ZNF99: variants seen among roughly 807,000 people sequenced by gnomAD.
The protein encoded by ZNF99 is zinc finger protein 99.
In ZNF99, 8 loss-of-function variants were observed where a neutral mutation model predicts 12.8. That is an observed-to-expected ratio of 0.62 (90% CI 0.37 to 1.13). The LOEUF (loss-of-function observed/expected upper bound fraction) is 1.13. Ranked by LOEUF, ZNF99 falls within the 50% of genes most tolerant of loss-of-function variation. The pLI is 0.02. For synonymous variants in ZNF99, 318 were observed against 319.0 expected (o/e 1.00, Z 0.03); for missense variants, 1,007 against 1,006.2 (o/e 1.00, Z -0.01).
At chr19:22,759,774 T>A in intron 3 of ZNF99, 92 bp from the exon 4 acceptor site, 1 of 954,456 alleles carries the variant, frequency 1.0e-6, no homozygotes, top group Non-Finnish European at 1.5e-6. Context: ...ACAAACCGCT[T>A]AAGCAAGATG....
At chr19:22,774,514 G>A (rs11669364) in intron 1 of ZNF99, 22,588 of 152,160 alleles carry the variant, frequency 0.15, 1,731 homozygotes, top group East Asian at 0.18. Flanking sequence ...GTTTTTGGGT[G>A]GCCACATCAT....
chr19:22,774,540 C>T (rs1973304983), intron 1 of ZNF99: 1 of 152,190 alleles, frequency 6.6e-6, no homozygotes, highest in African/African-American at 2.4e-5. Flanking sequence ...TTTATTTGTC[C>T]TGTAATAGCA....
At chr19:22,777,081 A>C (rs1205937947) in intron 1 of ZNF99, among the ~76,000 whole-genome samples, 3 of 152,168 alleles carry the variant, frequency 2.0e-5, no homozygotes, top group African/African-American at 7.2e-5. Context: ...GAGCCCGGGA[A>C]TTTGAGGCTG....
intron 1 of ZNF99, among the ~76,000 whole-genome samples, chr19:22,780,419 G>A (rs1599450919): frequency 6.6e-6 from 1 of 152,186 alleles, no homozygotes; most frequent in South Asian, 2.1e-4. Flanking sequence ...TAGGCCAGGC[G>A]TGGTGGCTCA....
At position 22,755,295 on chromosome 19, in the gene ZNF99, G is replaced by A; in HGVS notation, c.*2019C>T. On this transcript the variant is annotated 3_prime_UTR_variant, in exon 4 of 4. Coordinates refer to ENST00000596209, the MANE Select transcript of ZNF99 (RefSeq NM_001080409.3). The stretch of plus-strand genomic sequence containing the variant: ...CACATTCTTCACATTTCTAGAGTTT[G>A]TCTTCAGTATCAACTATTTTCTGTT... 4.0e-6 allele frequency: 1 copy of A among 252,840 alleles called. No homozygotes were observed. The highest frequency in any genetic ancestry group is 8.2e-6 in the Non-Finnish European group (1 of 122,002). The allele number at this position is 252,840 out of a possible 1,614,324, so 15.7% of individuals were successfully genotyped here. A position where few individuals can be genotyped will look rare whatever the true frequency, so the allele number is the denominator to read the frequency against.
chr19:22,783,606 T>C (rs543446890), intron 1 of ZNF99, among the ~76,000 whole-genome samples: 5 of 152,336 alleles, frequency 3.3e-5, no homozygotes, highest in African/African-American at 1.2e-4. Flanking sequence ...ACTTTAGTGA[T>C]GACTGCCATC....
At chr19:22,772,754 G>A (rs1206812763) in intron 1 of ZNF99, among the ~76,000 whole-genome samples, 1 of 151,764 alleles carries the variant, frequency 6.6e-6, no homozygotes, top group Non-Finnish European at 1.5e-5. Context: ...CAACTAAAAG[G>A]ACTTGCATCT....
Position 22,756,827 on chromosome 19 carries a change from A to G in ZNF99, c.*487T>C, listed in dbSNP as rs1239447953. On this transcript the variant is annotated 3_prime_UTR_variant, in exon 4 of 4. Coordinates refer to ENST00000596209, the MANE Select transcript of ZNF99 (RefSeq NM_001080409.3). The stretch of plus-strand genomic sequence containing the variant: ...CCAGTATAATTATCTCATGTTTTCT[A>G]AGGGCTGAGAAATGCTTAAAAGCTT... The G allele has an allele frequency of 6.2e-7, 1 of 1,610,532 alleles. No homozygotes were observed. Among genetic ancestry groups the G allele is most frequent in the South Asian group, 1.1e-5 (1 of 90,966 alleles).
intron 3 of ZNF99, among the ~76,000 whole-genome samples, chr19:22,763,208 GATGAT>G (rs1278750073): frequency 6.6e-6 from 1 of 152,134 alleles, no homozygotes; most frequent in East Asian, 1.9e-4. Flanking sequence ...ACTGTTTGCG[GATGAT>G]ATGATTGTTT....
intron 1 of ZNF99, among the ~76,000 whole-genome samples, chr19:22,772,669 T>C (rs866736418): frequency 1.3e-5 from 2 of 150,150 alleles, no homozygotes; most frequent in Middle Eastern, 3.2e-3. Context: ...AAGAACGAAA[T>C]TCTGTCTCAA....
At chr19:22,773,036 C>T (rs575522051) in intron 1 of ZNF99, among the ~76,000 whole-genome samples, 9 of 152,244 alleles carry the variant, frequency 5.9e-5, no homozygotes, top group South Asian at 2.1e-4. Flanking sequence ...AAAGGTAAAA[C>T]GGCTGTTTGC....
rs770107271 is a variant in ZNF99, at chr19:22,754,501, T to C, written c.*2813A>G. 10 of 424,442 alleles carry C rather than the reference T, an allele frequency of 2.4e-5. No individual in the cohort carries two copies. The highest frequency in any genetic ancestry group is 4.6e-5 in the Non-Finnish European group (10 of 215,504). The allele number at this position is 424,442 out of a possible 1,614,324, so 26.3% of individuals were successfully genotyped here. ...ATTCTTCATATTTATAAAATTTATC[T>C]TCTGTATGAATTCTCTTATATTTAG... On this transcript the variant is annotated 3_prime_UTR_variant, in exon 4 of 4. Coordinates refer to ENST00000596209, the MANE Select transcript of ZNF99 (RefSeq NM_001080409.3).
rs1372330028 is a variant in ZNF99, at chr19:22,754,014, T to C, written c.*3300A>G. Reference sequence around the variant, plus strand: ...TTCTCAAGAGCACTGTCATGTCTTTTAGGTTTGTAGAGCTTCTCTCCAGTA... The same window carrying C: ...TTCTCAAGAGCACTGTCATGTCTTTCAGGTTTGTAGAGCTTCTCTCCAGTA... On this transcript the variant is annotated 3_prime_UTR_variant, in exon 4 of 4. Coordinates refer to ENST00000596209, the MANE Select transcript of ZNF99 (RefSeq NM_001080409.3). 4 of 456,090 alleles carry C rather than the reference T, an allele frequency of 8.8e-6. No individual in the cohort carries two copies. Among genetic ancestry groups the C allele is most frequent in the South Asian group, 6.2e-5 (4 of 64,554 alleles). The allele number at this position is 456,090 out of a possible 1,614,324, so 28.3% of individuals were successfully genotyped here. A position where few individuals can be genotyped will look rare whatever the true frequency, so the allele number is the denominator to read the frequency against.
intron 1 of ZNF99, among the ~76,000 whole-genome samples, chr19:22,776,396 T>A (rs1183916644): frequency 1.1e-5 from 1 of 89,784 alleles, no homozygotes. Flanking sequence ...GAGCAAACTT[T>A]TTCCAAAATA....
At chr19:22,778,684 A>T (rs148794155) in intron 1 of ZNF99, among the ~76,000 whole-genome samples, 26 of 152,312 alleles carry the variant, frequency 1.7e-4, no homozygotes, top group Admixed American at 1.3e-4. Flanking sequence ...AGGAAAAGTC[A>T]AATGGAAGAA....
chr19:22,761,791 C>T (rs1973153458), intron 3 of ZNF99, among the ~76,000 whole-genome samples: 1 of 152,114 alleles, frequency 6.6e-6, no homozygotes, highest in Non-Finnish European at 1.5e-5. Flanking sequence ...CAAACACTCT[C>T]TCAGACCACA....
In ZNF99 at chr19:22,758,408, C is replaced by T; in HGVS notation, c.1501G>A (p.Val501Ile). 6.2e-7 allele frequency: 1 copy of T among 1,602,520 alleles called. No individual in the cohort carries two copies. The highest frequency in any genetic ancestry group is 8.5e-7 in the Non-Finnish European group (1 of 1,173,264). The change falls in exon 4 of 4, where the codon GTA becomes ATA. Residue 501 changes from valine to isoleucine, a missense_variant. Val to Ile is a conservative substitution (Grantham distance 29, BLOSUM62 3). Coordinates refer to ENST00000596209, the MANE Select transcript of ZNF99 (RefSeq NM_001080409.3). Reference protein sequence around the residue: ...KWSSKLTVHKVIHMEEKPCKC... With the variant: ...KWSSKLTVHKIIHMEEKPCKC... ...CAAGGTTTCTCTTCCATATGAATTA[C>T]CTTATGTACAGTAAGTTTTGAGGAC...
In ZNF99 at chr19:22,758,407, A is replaced by C; in HGVS notation, c.1502T>G (p.Val501Gly). Residue 501 changes from valine (V) to glycine (G), a missense_variant, in exon 4 of 4, where the codon GTA becomes GGA. Coordinates refer to ENST00000596209, the MANE Select transcript of ZNF99 (RefSeq NM_001080409.3). ...GCAAGGTTTCTCTTCCATATGAATT[A>C]CCTTATGTACAGTAAGTTTTGAGGA... is the stretch of plus-strand genomic sequence containing the variant. ...KWSSKLTVHK[V>G]IHMEEKPCKC... The C allele has an allele frequency of 6.2e-7, 1 of 1,604,750 alleles. No individual in the cohort carries two copies. The highest frequency in any genetic ancestry group is 1.1e-5 in the South Asian group (1 of 90,584).
In ZNF99 at chr19:22,753,153, T is replaced by A. The variant is rs911367566; in HGVS notation, c.*4161A>T. ...ATTTGCTTTTCAGAGTCTGTAATTT[T>A]TTTCAATATTGTGATGTTAATTTTT... On this transcript the variant is annotated 3_prime_UTR_variant, in exon 4 of 4. Coordinates refer to ENST00000596209, the MANE Select transcript of ZNF99 (RefSeq NM_001080409.3). 1 of 152,104 alleles carries A rather than the reference T, an allele frequency of 6.6e-6. No homozygotes were observed. The highest frequency in any genetic ancestry group is 6.5e-5 in the Admixed American group (1 of 15,282). The allele number at this position is 152,104 out of a possible 1,614,324, so 9.4% of individuals were successfully genotyped here.
Sources: allele counts gnomAD v4.1 joint callset (sites outside exome capture counted in the v4.1 genomes callset), GRCh38; gene constraint gnomAD v4.1.1; transcripts MANE v1.5; gene names NCBI Gene and HGNC (gene_info 2026-07-23, HGNC 2026-07-21).